The following AOAH variants were observed in gnomAD, a reference collection of about 807,000 sequenced individuals.
AOAH encodes the protein acyloxyacyl hydrolase (neutrophil).
Under a neutral mutation model 92.2 loss-of-function variants are expected in AOAH, and 64 were observed. That is an observed-to-expected ratio of 0.69 (90% CI 0.57 to 0.86). The LOEUF is 0.86. Among genes scored for constraint, AOAH ranks in the 40% least tolerant of loss-of-function variants. The probability of loss-of-function intolerance (pLI) is 0.00; values close to 1 mark genes in which losing one functional copy is unlikely to be tolerated. For synonymous variants in AOAH, 263 were observed against 254.5 expected (o/e 1.03, Z -0.32); for missense variants, 656 against 694.6 (o/e 0.94, Z 0.62).
intron 19 of AOAH, among the ~76,000 whole-genome samples, chr7:36,523,760 G>A (rs1398657528): frequency 6.7e-6 from 1 of 149,734 alleles, no homozygotes; most frequent in African/African-American, 2.5e-5. Flanking sequence ...TGCCCTGCTG[G>A]CTGCGATGCT....
chr7:36,607,686 C>A (rs1012850749), intron 11 of AOAH, among the ~76,000 whole-genome samples: 2 of 152,192 alleles, frequency 1.3e-5, no homozygotes, highest in African/African-American at 4.8e-5. Context: ...AAACTTCTTG[C>A]TCCCTGTCCA....
At chr7:36,610,103 GT>G (rs941766980) in intron 11 of AOAH, among the ~76,000 whole-genome samples, 3 of 111,462 alleles carry the variant, frequency 2.7e-5, no homozygotes, top group African/African-American at 3.3e-5. Flanking sequence ...AAATTGGAAG[GT>G]TTTTTTCTTT....
intron 1 of AOAH, among the ~76,000 whole-genome samples, chr7:36,696,552 GTT>G (rs992942089): frequency 3.3e-5 from 5 of 151,944 alleles, no homozygotes; most frequent in African/African-American, 1.2e-4. Flanking sequence ...ATTCTTAAAC[GTT>G]TGGTGCTAAT....
intron 13 of AOAH, among the ~76,000 whole-genome samples, chr7:36,569,777 A>AT (rs1224147402): frequency 1.3e-5 from 2 of 151,674 alleles, no homozygotes; most frequent in Non-Finnish European, 2.9e-5. Flanking sequence ...TGCCTGGCTA[A>AT]TTTTTTTTAT....
At chr7:36,513,490 G>A in intron 20 of AOAH, 110 bp from the exon 21 acceptor site, 2 of 1,047,290 alleles carry the variant, frequency 1.9e-6, no homozygotes, top group Non-Finnish European at 2.8e-6. Context: ...ATGGCCCCAT[G>A]ACTCCCACCC....
At chr7:36,571,376 C>T (rs565229578) in intron 13 of AOAH, among the ~76,000 whole-genome samples, 1 of 152,294 alleles carries the variant, frequency 6.6e-6, no homozygotes, top group Admixed American at 6.5e-5. Context: ...CCTCCACCCC[C>T]AGCACATCCA....
At chr7:36,669,287 G>A (rs1204130505) in intron 3 of AOAH, among the ~76,000 whole-genome samples, 1 of 151,448 alleles carries the variant, frequency 6.6e-6, no homozygotes, top group Non-Finnish European at 1.5e-5. Flanking sequence ...CTTGTTTCTA[G>A]GTCACATCCT....
chr7:36,624,972 A>C (rs1477220162), intron 6 of AOAH, among the ~76,000 whole-genome samples: 2 of 151,968 alleles, frequency 1.3e-5, no homozygotes, highest in Non-Finnish European at 2.9e-5. Context: ...CTGGTACCTT[A>C]TATTAAATCC....
At chr7:36,707,359 G>A (rs139854422) in intron 1 of AOAH, among the ~76,000 whole-genome samples, 3,066 of 152,006 alleles carry the variant, frequency 0.02, 82 homozygotes, top group Non-Finnish European at 0.023. Flanking sequence ...ATGGCACCCC[G>A]AAACAATTAC....
intron 1 of AOAH, among the ~76,000 whole-genome samples, chr7:36,707,042 CTTT>C (rs70977182): frequency 3.4e-5 from 5 of 145,604 alleles, no homozygotes; most frequent in Admixed American, 6.9e-5. Flanking sequence ...TTTCTCTTTT[CTTT>C]TTTTTTTTTG....
At chr7:36,595,726 T>G (rs1245662622) in intron 11 of AOAH, among the ~76,000 whole-genome samples, 2 of 152,220 alleles carry the variant, frequency 1.3e-5, no homozygotes, top group Non-Finnish European at 2.9e-5. Context: ...TCTGGGCATC[T>G]TTCTTTGGAT....
At chr7:36,562,690 G>T (rs2893532) in intron 13 of AOAH, among the ~76,000 whole-genome samples, 1 of 152,144 alleles carries the variant, frequency 6.6e-6, no homozygotes, top group Non-Finnish European at 1.5e-5. Context: ...TACGGAGTTG[G>T]TTTCCAAAGA....
intron 13 of AOAH, among the ~76,000 whole-genome samples, chr7:36,558,941 G>T (rs111303611): frequency 0.024 from 3,633 of 152,358 alleles, 136 homozygotes; most frequent in African/African-American, 0.082. Flanking sequence ...GTGAGGCAAT[G>T]CCTCGCCCTG....
At chr7:36,569,686 C>T (rs1787993005) in intron 13 of AOAH, among the ~76,000 whole-genome samples, 1 of 152,072 alleles carries the variant, frequency 6.6e-6, no homozygotes, top group South Asian at 2.1e-4. Context: ...TCTCAGCTCA[C>T]TGCAACCTCC....
At chr7:36,640,138 G>A (rs751449675) in intron 4 of AOAH, among the ~76,000 whole-genome samples, 1 of 152,120 alleles carries the variant, frequency 6.6e-6, no homozygotes, top group African/African-American at 2.4e-5. Flanking sequence ...AGCCAGGGCC[G>A]GGGCTGCAGG....
At chr7:36,611,927 C>T (rs1318946897) in intron 11 of AOAH, among the ~76,000 whole-genome samples, 2 of 152,192 alleles carry the variant, frequency 1.3e-5, no homozygotes, top group African/African-American at 2.4e-5. Flanking sequence ...GCAGTCATTC[C>T]ACCACCTGTT....
At chr7:36,641,251 T>A (rs1793887227) in intron 4 of AOAH, among the ~76,000 whole-genome samples, 1 of 152,138 alleles carries the variant, frequency 6.6e-6, no homozygotes, top group African/African-American at 2.4e-5. Context: ...TGCCAGATCA[T>A]AATAAAAATG....
At position 36,517,230 on chromosome 7, in the gene AOAH, C is replaced by T. The variant is rs55691549; in HGVS notation, c.1600-3850G>A. On this transcript the variant is annotated intron_variant, in intron 20 of 20. Transcript: ENST00000617537. ...TCTTTCTTTCTCTTTCTTTCTGTCTCTCTCTCTCTCTCTCTTTCTTTCTGT... is the reference window on the plus strand; with the variant it reads ...TCTTTCTTTCTCTTTCTTTCTGTCTTTCTCTCTCTCTCTCTTTCTTTCTGT... 9.0e-3 allele frequency among the ~76,000 whole-genome samples: 740 copies of T among 82,570 alleles called. 9 individuals carry two copies. The highest frequency in any genetic ancestry group is 0.015 in the Middle Eastern group (3 of 206). 54.2% of individuals were successfully genotyped at this position (82,570 alleles called of 152,430 possible).
intron 6 of AOAH, among the ~76,000 whole-genome samples, chr7:36,625,779 G>T (rs973500263): frequency 6.6e-6 from 1 of 152,164 alleles, no homozygotes; most frequent in African/African-American, 2.4e-5. Context: ...GGGGAATGAA[G>T]CTTCCCGAGT....
Sources: allele counts gnomAD v4.1 joint callset (sites outside exome capture counted in the v4.1 genomes callset), GRCh38; gene constraint gnomAD v4.1.1; transcripts MANE v1.5; gene names NCBI Gene and HGNC (gene_info 2026-07-23, HGNC 2026-07-21).